DENND4C: variants seen among roughly 807,000 people sequenced by gnomAD.
DENND4C encodes the protein DENN domain-containing protein 4C.
DENND4C carries 108 observed loss-of-function variants against 203.0 expected under a neutral mutation model. That is an observed-to-expected ratio of 0.53 (90% CI 0.46 to 0.62). DENND4C has a LOEUF of 0.62. DENND4C is among the 20% of genes least tolerant of loss of function. The pLI is 0.00. For synonymous variants in DENND4C, 871 were observed against 792.4 expected (o/e 1.10, Z -1.67); for missense variants, 2,481 against 2,301.2 (o/e 1.08, Z -1.60).
At chr9:19,262,888 G>A (rs1829714401) in intron 1 of DENND4C, among the ~76,000 whole-genome samples, 1 of 152,148 alleles carries the variant, frequency 6.6e-6, no homozygotes, top group Admixed American at 6.6e-5. Flanking sequence ...TTATAAATAA[G>A]AGTAATTTGA....
chr9:19,364,683 A>T (rs1827241535), intron 30 of DENND4C, among the ~76,000 whole-genome samples: 2 of 152,162 alleles, frequency 1.3e-5, no homozygotes, highest in Non-Finnish European at 2.9e-5. Flanking sequence ...ACCTGAGGTC[A>T]GGAGTTTGAA....
intron 1 of DENND4C, among the ~76,000 whole-genome samples, chr9:19,242,106 C>G (rs1823899216): frequency 6.6e-6 from 1 of 152,184 alleles, no homozygotes; most frequent in African/African-American, 2.4e-5. Context: ...AAGCCCTTGG[C>G]AACTACTGTT....
chr9:19,308,890 T>G (rs914325262), intron 10 of DENND4C, among the ~76,000 whole-genome samples: 1 of 152,234 alleles, frequency 6.6e-6, no homozygotes, highest in Non-Finnish European at 1.5e-5. Context: ...TTTGCTTCAA[T>G]CTCTTGCCAG....
Position 19,369,913 on chromosome 9 carries a change from T to C in DENND4C, c.5601T>C (p.Ser1867=), listed in dbSNP as rs367756266. The change falls in exon 31 of 33, where the codon AGT becomes AGC. Residue 1867 remains serine (S), a synonymous_variant. Coordinates refer to ENST00000434457, the MANE Select transcript of DENND4C (RefSeq NM_001330640.2). ...TSTLVETIRQ[S]IQHNNVLKPI... ...CTTTAGTAGAAACCATCAGGCAGAG[T>C]ATTCAGCACAATAATGTTCTTAAAC... is the stretch of plus-strand genomic sequence containing the variant. The C allele has an allele frequency of 6.2e-6, 10 of 1,613,294 alleles. No homozygotes were observed. The East Asian group carries it at 8.9e-5, about 14-fold the overall frequency.
At chr9:19,332,785 T>TTTA (rs1554637675) in intron 17 of DENND4C, among the ~76,000 whole-genome samples, 13 of 148,150 alleles carry the variant, frequency 8.8e-5, no homozygotes, top group Non-Finnish European at 6.0e-5. Context: ...TTTTTTTTTT[T>TTTA]AAGGGATGGA....
chr9:19,236,307 A>T (rs1676209357), intron 1 of DENND4C, among the ~76,000 whole-genome samples: 1 of 152,238 alleles, frequency 6.6e-6, no homozygotes, highest in Admixed American at 6.5e-5. Flanking sequence ...CTGCAGGAGC[A>T]GAGGGAAACA....
intron 2 of DENND4C, among the ~76,000 whole-genome samples, chr9:19,280,687 T>C (rs1486770627): frequency 1.3e-5 from 2 of 149,618 alleles, no homozygotes; most frequent in African/African-American, 4.9e-5. Flanking sequence ...CTGTTCCCTC[T>C]TTTAGGCATC....
At chr9:19,359,213 T>G (rs1033537896) in intron 28 of DENND4C, among the ~76,000 whole-genome samples, 1 of 151,784 alleles carries the variant, frequency 6.6e-6, no homozygotes, top group Non-Finnish European at 1.5e-5. Flanking sequence ...AGGGTATCAT[T>G]ATGAGCTCAT....
intron 29 of DENND4C, among the ~76,000 whole-genome samples, chr9:19,361,338 GCTGT>G (rs1418099728): frequency 1.3e-5 from 2 of 152,124 alleles, no homozygotes; most frequent in Non-Finnish European, 2.9e-5. Flanking sequence ...TCACATTCTG[GCTGT>G]CTGACTTAAA....
intron 5 of DENND4C, among the ~76,000 whole-genome samples, chr9:19,294,586 AAT>A (rs1837038703): frequency 6.6e-6 from 1 of 152,208 alleles, no homozygotes; most frequent in Admixed American, 6.5e-5. Context: ...CTTGTACGCC[AAT>A]GTTTGTAGCA....
intron 1 of DENND4C, among the ~76,000 whole-genome samples, chr9:19,252,922 A>C (rs1198086332): frequency 4.6e-5 from 7 of 152,284 alleles, no homozygotes; most frequent in African/African-American, 1.7e-4. Flanking sequence ...TTTTTAGTAG[A>C]GATGGGGTTT....
intron 30 of DENND4C, among the ~76,000 whole-genome samples, chr9:19,368,566 G>T (rs1300448811): frequency 6.6e-6 from 1 of 152,180 alleles, no homozygotes; most frequent in African/African-American, 2.4e-5. Flanking sequence ...GGAGGCCAAG[G>T]TGGGAGGATC....
intron 16 of DENND4C, among the ~76,000 whole-genome samples, chr9:19,329,630 T>C (rs920442177): frequency 2.6e-5 from 4 of 152,222 alleles, no homozygotes; most frequent in African/African-American, 9.7e-5. Context: ...CCAGGCTGTT[T>C]TCCAAAGTGG....
chr9:19,364,067 C>T (rs1476709649), intron 30 of DENND4C, among the ~76,000 whole-genome samples: 1 of 152,072 alleles, frequency 6.6e-6, no homozygotes, highest in Non-Finnish European at 1.5e-5. Flanking sequence ...CCCGTAACCA[C>T]AACACTTTGG....
At chr9:19,302,840 T>C (rs1838867902) in intron 9 of DENND4C, among the ~76,000 whole-genome samples, 2 of 152,152 alleles carry the variant, frequency 1.3e-5, no homozygotes, top group Admixed American at 1.3e-4. Context: ...ATTAAAGCAC[T>C]CTTCTCTTAT....
At chr9:19,311,873 T>C (rs1840803362) in intron 10 of DENND4C, among the ~76,000 whole-genome samples, 1 of 152,186 alleles carries the variant, frequency 6.6e-6, no homozygotes, top group Non-Finnish European at 1.5e-5. Flanking sequence ...ATGGAGGATA[T>C]CTGGCAACAT....
At chr9:19,330,300 C>G (rs796197485) in intron 16 of DENND4C, among the ~76,000 whole-genome samples, 22 of 141,584 alleles carry the variant, frequency 1.6e-4, no homozygotes, top group African/African-American at 5.5e-4. Context: ...TCATGGAGAT[C>G]GAGCTCAAAA....
chr9:19,243,271 T>G (rs1319120729), intron 1 of DENND4C, among the ~76,000 whole-genome samples: 1 of 152,228 alleles, frequency 6.6e-6, no homozygotes, highest in African/African-American at 2.4e-5. Context: ...AACTGGCTTC[T>G]TTCATTTAGG....
chr9:19,298,156 T>C, intron 7 of DENND4C, 34 bp downstream of exon 7: 1 of 1,575,220 alleles, frequency 6.3e-7, no homozygotes, highest in Non-Finnish European at 8.7e-7. Flanking sequence ...GGGAGAACTT[T>C]GCATATGCTC....
Sources: gnomAD v4.1 joint callset for allele counts (sites outside exome capture counted in the v4.1 genomes callset) on GRCh38, gnomAD v4.1.1 for gene constraint, MANE v1.5 for transcripts, NCBI Gene and HGNC (gene_info 2026-07-23, HGNC 2026-07-21) for gene names.